BASP1: variants seen among roughly 807,000 people sequenced by gnomAD.
The protein encoded by BASP1 is brain abundant membrane attached signal protein 1.
BASP1 carries 1 observed loss-of-function variant against 2.2 expected under a neutral mutation model. The ratio of observed to expected loss-of-function variants is 0.46; its 90% confidence interval spans 0.16 to 2.17. The LOEUF (loss-of-function observed/expected upper bound fraction) is 2.17. Among genes scored for constraint, BASP1 ranks in the 30% most tolerant of loss-of-function variants. The probability of loss-of-function intolerance (pLI) is 0.27; values close to 1 mark genes in which losing one functional copy is unlikely to be tolerated. For synonymous variants in BASP1, 187 were observed against 154.2 expected (o/e 1.21, Z -1.58); for missense variants, 352 against 327.2 (o/e 1.08, Z -0.58).
Position 17,248,848 on chromosome 5 carries a change from G to A in BASP1, c.-9-26360G>A, listed in dbSNP as rs915116789. ...TAAAAAGCACGTTTACATGTGGTGC[G>A]CCTATTCTAGGTCTCCTTGATTTCC... On this transcript the variant is annotated intron_variant, in intron 1 of 1. Coordinates refer to ENST00000322611, the MANE Select transcript of BASP1 (RefSeq NM_006317.5). Among the ~76,000 whole-genome samples, 12 of 152,122 alleles carry A rather than the reference G, an allele frequency of 7.9e-5. No individual in the cohort carries two copies. The South Asian group carries it at 1.2e-3, about 16-fold the overall frequency.
intron 1 of BASP1, among the ~76,000 whole-genome samples, chr5:17,253,124 A>G (rs1012126177): frequency 2.0e-5 from 3 of 151,510 alleles, no homozygotes; most frequent in South Asian, 2.1e-4. Context: ...AAAATAATCA[A>G]TTGGTTTTTT....
intron 1 of BASP1, among the ~76,000 whole-genome samples, chr5:17,237,909 C>T (rs2126498094): frequency 6.6e-6 from 1 of 151,604 alleles, no homozygotes; most frequent in Non-Finnish European, 1.5e-5. Flanking sequence ...CTGTGTCCGG[C>T]CCCCTGACAT....
chr5:17,254,193 A>C (rs949007775), intron 1 of BASP1, among the ~76,000 whole-genome samples: 1 of 62,636 alleles, frequency 1.6e-5, no homozygotes, highest in African/African-American at 6.6e-5. Context: ...TTAATTTGCA[A>C]ATAGTCATAA....
intron 1 of BASP1, among the ~76,000 whole-genome samples, chr5:17,239,340 G>T (rs1243681941): frequency 6.6e-6 from 1 of 152,036 alleles, no homozygotes; most frequent in Non-Finnish European, 1.5e-5. Flanking sequence ...TGATCCGCCC[G>T]CCTCAGCCTC....
chr5:17,245,128 C>T (rs1739950925), intron 1 of BASP1, among the ~76,000 whole-genome samples: 1 of 150,524 alleles, frequency 6.6e-6, no homozygotes. Flanking sequence ...ATGATGAAAC[C>T]CCGTCTCTAC....
At chr5:17,237,299 G>C (rs938523195) in intron 1 of BASP1, among the ~76,000 whole-genome samples, 1 of 152,066 alleles carries the variant, frequency 6.6e-6, no homozygotes, top group South Asian at 2.1e-4. Context: ...AGCCGAGATC[G>C]CACCACTGCA....
At chr5:17,226,212 TAAAC>T (rs1739500393) in intron 1 of BASP1, among the ~76,000 whole-genome samples, 2 of 152,360 alleles carry the variant, frequency 1.3e-5, no homozygotes, top group African/African-American at 4.8e-5. Flanking sequence ...ATTCCTAAAA[TAAAC>T]CAAAATTAAA....
At chr5:17,245,305 CTCAAA>C (rs1226956074) in intron 1 of BASP1, among the ~76,000 whole-genome samples, 3 of 64,312 alleles carry the variant, frequency 4.7e-5, no homozygotes, top group Non-Finnish European at 4.0e-5. Flanking sequence ...GAGACTCCGT[CTCAAA>C]AAAAAAAAAA....
chr5:17,223,995 C>G lies in BASP1; in HGVS notation c.-10+6185C>G, dbSNP rs114496658. On this transcript the variant is annotated intron_variant, in intron 1 of 1. Transcript: ENST00000322611. Reference sequence around the variant, plus strand: ...TGTAGGAATGTAAAGATGTTGTGATCTATTGACAAATCTTTGGAAGGAATT... The same window carrying G: ...TGTAGGAATGTAAAGATGTTGTGATGTATTGACAAATCTTTGGAAGGAATT... Among the ~76,000 whole-genome samples the G allele has an allele frequency of 3.2e-3, 485 of 152,288 alleles. 2 individuals carry two copies. Among genetic ancestry groups the G allele is most frequent in the African/African-American group, 0.011 (471 of 41,546 alleles).
At chr5:17,229,612 G>A in intron 1 of BASP1, among the ~76,000 whole-genome samples, 1 of 152,194 alleles carries the variant, frequency 6.6e-6, no homozygotes, top group East Asian at 1.9e-4. Flanking sequence ...AAGTCTGGGA[G>A]AGGCTGGGAA....
chr5:17,249,184 A>G (rs1740051528), intron 1 of BASP1, among the ~76,000 whole-genome samples: 1 of 152,078 alleles, frequency 6.6e-6, no homozygotes, highest in Non-Finnish European at 1.5e-5. Context: ...AGCCCAACGC[A>G]GGAACCGTCC....
intron 1 of BASP1, among the ~76,000 whole-genome samples, chr5:17,269,700 C>G (rs377325817): frequency 5.3e-5 from 8 of 152,206 alleles, no homozygotes; most frequent in Non-Finnish European, 1.2e-4. Flanking sequence ...AAGTTAGTAT[C>G]TCTATTAAGC....
intron 1 of BASP1, among the ~76,000 whole-genome samples, chr5:17,271,533 T>A (rs554364006): frequency 2.0e-4 from 30 of 152,328 alleles, no homozygotes; most frequent in African/African-American, 7.2e-4. Context: ...CCTTCAGCAT[T>A]GGTCTGAATT....
chr5:17,242,006 T>C (rs1438591831), intron 1 of BASP1, among the ~76,000 whole-genome samples: 2 of 152,042 alleles, frequency 1.3e-5, no homozygotes. Context: ...ATTTTAAGGG[T>C]GAATGGATAT....
intron 1 of BASP1, among the ~76,000 whole-genome samples, chr5:17,250,382 T>C (rs1465073993): frequency 1.3e-5 from 2 of 152,250 alleles, no homozygotes; most frequent in Non-Finnish European, 2.9e-5. Context: ...ATTGACTTTA[T>C]GGTAACTATT....
At chr5:17,231,496 C>T (rs1459701210) in intron 1 of BASP1, among the ~76,000 whole-genome samples, 1 of 152,136 alleles carries the variant, frequency 6.6e-6, no homozygotes. Context: ...AGCATGTTCA[C>T]CTTCTATTTT....
At chr5:17,265,437 T>C (rs1740399734) in intron 1 of BASP1, among the ~76,000 whole-genome samples, 1 of 152,232 alleles carries the variant, frequency 6.6e-6, no homozygotes, top group Non-Finnish European at 1.5e-5. Context: ...TAGGCTGAGA[T>C]AAACATTAGC....
At chr5:17,273,920 A>C (rs1176792927) in intron 1 of BASP1, among the ~76,000 whole-genome samples, 2 of 152,220 alleles carry the variant, frequency 1.3e-5, no homozygotes, top group African/African-American at 4.8e-5. Flanking sequence ...TTGCAAAAGC[A>C]ACATTTCAGT....
At position 17,237,215 on chromosome 5, in the gene BASP1, G is replaced by C. The variant is rs563068254; in HGVS notation, c.-10+19405G>C. On this transcript the variant is annotated intron_variant, in intron 1 of 1. Coordinates refer to ENST00000322611, the MANE Select transcript of BASP1 (RefSeq NM_006317.5). Reference sequence around the variant, plus strand: ...AAAAATTAGCTGGGCGTGGTGGTGGGCGCCTGTAGTCCCAGCTACTTGGGA... The same window carrying C: ...AAAAATTAGCTGGGCGTGGTGGTGGCCGCCTGTAGTCCCAGCTACTTGGGA... Among the ~76,000 whole-genome samples, 3 of 152,186 alleles carry C rather than the reference G, an allele frequency of 2.0e-5. No individual in the cohort carries two copies. In the South Asian group the frequency reaches 6.2e-4, roughly 32 times the overall value.
Sources: allele counts gnomAD v4.1 joint callset (sites outside exome capture counted in the v4.1 genomes callset), GRCh38; gene constraint gnomAD v4.1.1; transcripts MANE v1.5; gene names NCBI Gene and HGNC (gene_info 2026-07-23, HGNC 2026-07-21).